The following CRIM1 variants were observed in gnomAD, a reference collection of about 807,000 sequenced individuals.
CRIM1 encodes cysteine-rich motor neuron 1 protein.
Under a neutral mutation model 116.4 loss-of-function variants are expected in CRIM1, and 32 were observed. That is an observed-to-expected ratio of 0.27 (90% confidence interval 0.21 to 0.37). The LOEUF is 0.37. Among genes scored for constraint, CRIM1 ranks in the 10% least tolerant of loss-of-function variants. CRIM1 has a pLI of 1.00. For synonymous variants in CRIM1, 590 were observed against 509.2 expected (o/e 1.16, Z -2.13); for missense variants, 1,331 against 1,354.8 (o/e 0.98, Z 0.28).
At chr2:36,383,696 AAG>A (rs1670956569) in intron 1 of CRIM1, among the ~76,000 whole-genome samples, 1 of 152,140 alleles carries the variant, frequency 6.6e-6, no homozygotes, top group African/African-American at 2.4e-5. Flanking sequence ...GTGTGCTGGA[AAG>A]AGAGAGGGAT....
intron 4 of CRIM1, among the ~76,000 whole-genome samples, chr2:36,451,697 G>A (rs1676738194): frequency 6.6e-6 from 1 of 152,188 alleles, no homozygotes; most frequent in Non-Finnish European, 1.5e-5. Flanking sequence ...TAACTCTGCG[G>A]TTTGAAGCCT....
At chr2:36,416,887 C>G (rs1481500551) in intron 2 of CRIM1, among the ~76,000 whole-genome samples, 1 of 152,212 alleles carries the variant, frequency 6.6e-6, no homozygotes, top group Non-Finnish European at 1.5e-5. Flanking sequence ...CCAGTCTGTC[C>G]TGGCTTCAGA....
chr2:36,433,413 G>A (rs1558578565), intron 2 of CRIM1, among the ~76,000 whole-genome samples: 1 of 152,330 alleles, frequency 6.6e-6, no homozygotes, highest in East Asian at 1.9e-4. Flanking sequence ...CTGGTGGCAG[G>A]CAGAGATCTG....
At chr2:36,491,165 A>G (rs1680199121) in intron 7 of CRIM1, among the ~76,000 whole-genome samples, 1 of 152,190 alleles carries the variant, frequency 6.6e-6, no homozygotes, top group Admixed American at 6.5e-5. Context: ...AAAATTTGGG[A>G]TGTCAGATCT....
At chr2:36,442,321 A>C (rs1675906939) in intron 3 of CRIM1, among the ~76,000 whole-genome samples, 1 of 151,880 alleles carries the variant, frequency 6.6e-6, no homozygotes, top group Non-Finnish European at 1.5e-5. Context: ...CTATTCTATC[A>C]ATCAGAAATG....
At chr2:36,451,488 C>T (rs1016983038) in intron 4 of CRIM1, among the ~76,000 whole-genome samples, 5 of 152,130 alleles carry the variant, frequency 3.3e-5, no homozygotes, top group Admixed American at 3.3e-4. Flanking sequence ...TTTTTCTTAT[C>T]CCTCCCTTCC....
chr2:36,480,310 C>T (rs1023212977), intron 7 of CRIM1, among the ~76,000 whole-genome samples: 6 of 152,204 alleles, frequency 3.9e-5, no homozygotes, highest in African/African-American at 1.4e-4. Context: ...TATTCCAGCT[C>T]ATTTCCTCCA....
At chr2:36,380,506 T>A (rs143808345) in intron 1 of CRIM1, among the ~76,000 whole-genome samples, 59 of 151,948 alleles carry the variant, frequency 3.9e-4, no homozygotes, top group African/African-American at 1.4e-3. Context: ...GCAGGAGGAG[T>A]TGGAAGCCCT....
intron 1 of CRIM1, among the ~76,000 whole-genome samples, chr2:36,389,977 A>G: frequency 6.6e-6 from 1 of 152,140 alleles, no homozygotes; most frequent in East Asian, 1.9e-4. Flanking sequence ...AAGAGGCCTC[A>G]TGCTTCATAT....
rs533189046 is a variant in CRIM1 at position 36,471,713 on chromosome 2, G to A, written c.992-5176G>A. Among the ~76,000 whole-genome samples the A allele has an allele frequency of 3.1e-4, 44 of 140,986 alleles. No individual in the cohort carries two copies. In the East Asian group the frequency reaches 8.3e-3, roughly 27 times the overall value. The allele number at this position is 140,986 out of a possible 152,430, so 92.5% of individuals were successfully genotyped here. On this transcript the variant is annotated intron_variant, in intron 5 of 16. Coordinates refer to ENST00000280527, the MANE Select transcript of CRIM1 (RefSeq NM_016441.3). ...GTAAAATACACTAACACTAATGATA[G>A]CTGATTAGCTTAAACACACACACAC...
intron 15 of CRIM1, among the ~76,000 whole-genome samples, chr2:36,546,721 G>A (rs1373634042): frequency 6.7e-6 from 1 of 148,392 alleles, no homozygotes; most frequent in Non-Finnish European, 1.5e-5. Context: ...TGATTAGCTA[G>A]AGCCGGCATC....
At chr2:36,415,007 CATT>C (rs1041999168) in intron 2 of CRIM1, among the ~76,000 whole-genome samples, 20 of 152,136 alleles carry the variant, frequency 1.3e-4, no homozygotes, top group African/African-American at 3.1e-4. Context: ...GAATCAGAAA[CATT>C]ATTTAGGCCA....
chr2:36,430,468 G>A (rs1343939671), intron 2 of CRIM1, among the ~76,000 whole-genome samples: 1 of 152,212 alleles, frequency 6.6e-6, no homozygotes, highest in Admixed American at 6.5e-5. Flanking sequence ...TTTTGCTACA[G>A]GTCAAGTTGT....
In CRIM1 at chr2:36,356,703, G is replaced by C. The variant is rs2148260213; in HGVS notation, c.331+80G>C. Reference sequence around the variant, plus strand: ...GCTGGTTGTGCCGAACAAAGTTTGGGCGAGACTTTCTGGAGGAAAGAGGGC... The same window carrying C: ...GCTGGTTGTGCCGAACAAAGTTTGGCCGAGACTTTCTGGAGGAAAGAGGGC... On this transcript the variant is annotated intron_variant, in intron 1 of 16. Transcript: ENST00000280527. The surrounding 1 kb of genome is among the most constrained non-coding windows in gnomAD (Gnocchi z 4.3). 1 of 1,403,756 alleles carries C rather than the reference G, an allele frequency of 7.1e-7. No homozygotes were observed. The highest frequency in any genetic ancestry group is 9.6e-7 in the Non-Finnish European group (1 of 1,041,088). The allele number at this position is 1,403,756 out of a possible 1,614,324, so 87.0% of individuals were successfully genotyped here. A position where few individuals can be genotyped will look rare whatever the true frequency, so the allele number is the denominator to read the frequency against.
At chr2:36,411,513 G>A (rs114200394) in intron 2 of CRIM1, among the ~76,000 whole-genome samples, 64 of 152,178 alleles carry the variant, frequency 4.2e-4, no homozygotes, top group African/African-American at 1.5e-3. Context: ...TGTACTTTAT[G>A]TGCCGGAAGA....
chr2:36,474,481 T>C (rs1479083746), intron 5 of CRIM1, among the ~76,000 whole-genome samples: 1 of 152,178 alleles, frequency 6.6e-6, no homozygotes, highest in African/African-American at 2.4e-5. Flanking sequence ...ACTCTATGAT[T>C]CATTTTGAGT....
At chr2:36,411,464 C>T (rs1349742351) in intron 2 of CRIM1, among the ~76,000 whole-genome samples, 3 of 151,996 alleles carry the variant, frequency 2.0e-5, no homozygotes. Flanking sequence ...GGAAATAATG[C>T]ATTTTCTGAA....
At chr2:36,358,170 C>G (rs1335249112) in intron 1 of CRIM1, among the ~76,000 whole-genome samples, 2 of 152,162 alleles carry the variant, frequency 1.3e-5, no homozygotes, top group Admixed American at 1.3e-4. Flanking sequence ...AAAAGCCTCT[C>G]ACCTGGTATT....
intron 14 of CRIM1, among the ~76,000 whole-genome samples, chr2:36,541,723 C>T (rs1321278620): frequency 6.6e-6 from 1 of 152,148 alleles, no homozygotes; most frequent in Admixed American, 6.5e-5. Flanking sequence ...CGATTGTGAC[C>T]GTGTGCCCGT....
Sources: gnomAD v4.1 joint callset for allele counts (sites outside exome capture counted in the v4.1 genomes callset) on GRCh38, gnomAD v4.1.1 for gene constraint, Gnocchi (gnomAD v3.1) non-coding constraint, MANE v1.5 for transcripts, NCBI Gene and HGNC (gene_info 2026-07-23, HGNC 2026-07-21) for gene names.